The following CMTM8 variants were observed in gnomAD, a reference collection of about 807,000 sequenced individuals.
CMTM8 encodes the protein CKLF-like MARVEL transmembrane domain-containing protein 8.
A neutral mutation model predicts 18.6 loss-of-function variants in CMTM8; 12 were observed. The observed-to-expected ratio is 0.65, with a 90% CI of 0.41 to 1.05. The LOEUF (loss-of-function observed/expected upper bound fraction) is 1.05. Ranked by LOEUF, CMTM8 falls within the 50% of genes least tolerant of loss-of-function variation. CMTM8 has a pLI of 0.00. For missense variants in CMTM8, 217 were observed against 227.2 expected, an observed-to-expected ratio of 0.95 and a Z score of 0.29; for synonymous variants, 87 against 90.6, an observed-to-expected ratio of 0.96 and a Z score of 0.23.
At position 32,357,477 on chromosome 3, in the gene CMTM8, C is replaced by T. The variant is rs371382128; in HGVS notation, c.252C>T (p.Thr84=). ...MFVAVFYWVL[T]VFFLIIYITM... is the part of the protein sequence containing the mutation. The stretch of plus-strand genomic sequence containing the variant: ...TAGCTGTATTTTACTGGGTCCTCAC[C>T]GTCTTCTTCCTCATTATCTACATAA... Residue 84 remains threonine, a synonymous_variant, in exon 2 of 4, where the codon ACC becomes ACT. Coordinates refer to ENST00000307526, the MANE Select transcript of CMTM8 (RefSeq NM_178868.5). The T allele has an allele frequency of 3.7e-5, 59 of 1,613,890 alleles. No homozygotes were observed. The African/African-American group carries it at 4.1e-4, about 11-fold the overall frequency.
intron 1 of CMTM8, among the ~76,000 whole-genome samples, chr3:32,287,056 T>C (rs1458946542): frequency 5.3e-5 from 8 of 152,242 alleles, no homozygotes; most frequent in Admixed American, 5.2e-4. Context: ...GCAGCCTATT[T>C]GTGGCTGCTT....
chr3:32,256,431 C>G (rs1026331565), intron 1 of CMTM8, among the ~76,000 whole-genome samples: 10 of 152,142 alleles, frequency 6.6e-5, no homozygotes, highest in African/African-American at 2.4e-4. Flanking sequence ...GCCTGTTAGG[C>G]TCAGTACCTC....
intron 1 of CMTM8, among the ~76,000 whole-genome samples, chr3:32,271,540 C>T (rs1702438878): frequency 6.6e-6 from 1 of 152,218 alleles, no homozygotes; most frequent in Non-Finnish European, 1.5e-5. Flanking sequence ...CTCCATTCAT[C>T]ATTGAGTGTT....
Position 32,357,524 on chromosome 3 carries a change from C to A in CMTM8, c.299C>A (p.Pro100His), listed in dbSNP as rs1559389009. ...IYITMTYTRIPQVPWTTVGLC... is the reference protein window; with the variant it reads ...IYITMTYTRIHQVPWTTVGLC... ...ATAACAATGACCTACACCAGGATTC[C>A]CCAGGTGCCCTGGACAACAGTGGTA... Residue 100 changes from proline to histidine, a missense_variant, in exon 2 of 4, where the codon CCC (proline) becomes CAC (histidine). Physicochemically the swap from Pro to His is moderately conservative, Grantham distance 77. Transcript: ENST00000307526. 1 of 1,614,098 alleles carries A rather than the reference C, an allele frequency of 6.2e-7. No homozygotes were observed. The highest frequency in any genetic ancestry group is 8.5e-7 in the Non-Finnish European group (1 of 1,179,992).
Position 32,266,401 on chromosome 3 carries a change from A to G in CMTM8, c.147+27282A>G, listed in dbSNP as rs1406220915. The stretch of plus-strand genomic sequence containing the variant: ...CAGAAAAGGCCTTTGACAAAATTCA[A>G]CAGCCCTTCATGCTAAAAACTCTCA... On this transcript the variant is annotated intron_variant, in intron 1 of 3. Transcript: ENST00000307526. Among the ~76,000 whole-genome samples, 4 of 152,206 alleles carry G rather than the reference A, an allele frequency of 2.6e-5. No individual in the cohort carries two copies. The East Asian group carries it at 5.8e-4, about 22-fold the overall frequency.
intron 1 of CMTM8, among the ~76,000 whole-genome samples, chr3:32,292,065 T>C (rs1480133624): frequency 6.6e-6 from 1 of 152,232 alleles, no homozygotes; most frequent in Non-Finnish European, 1.5e-5. Flanking sequence ...CGGATCAACC[T>C]TGTGGTTTGA....
chr3:32,276,163 G>A (rs4571267), intron 1 of CMTM8, among the ~76,000 whole-genome samples: 147,567 of 152,138 alleles, frequency 0.97, 71,735 homozygotes, highest in East Asian at 1. Context: ...CTTCTGTTTT[G>A]TCTCCCTTCC....
chr3:32,354,951 T>G (rs1012766225), intron 1 of CMTM8, among the ~76,000 whole-genome samples: 3 of 152,232 alleles, frequency 2.0e-5, no homozygotes, highest in African/African-American at 7.2e-5. Flanking sequence ...TTGCCACGGA[T>G]GTAAACACAA....
At chr3:32,316,166 T>A (rs1200375236) in intron 1 of CMTM8, among the ~76,000 whole-genome samples, 3 of 151,982 alleles carry the variant, frequency 2.0e-5, no homozygotes, top group Admixed American at 2.0e-4. Flanking sequence ...TAGCTGGGAC[T>A]ACAGGCGCCC....
intron 1 of CMTM8, among the ~76,000 whole-genome samples, chr3:32,286,408 G>C (rs1396907475): frequency 6.6e-6 from 1 of 152,158 alleles, no homozygotes; most frequent in Non-Finnish European, 1.5e-5. Context: ...CTTTTGGCAA[G>C]CTCCTTCTCC....
intron 1 of CMTM8, among the ~76,000 whole-genome samples, chr3:32,353,003 A>G (rs958819374): frequency 1.3e-5 from 2 of 152,054 alleles, no homozygotes; most frequent in Admixed American, 6.6e-5. Context: ...TGTTTTTGAG[A>G]CAGAGTCTCG....
intron 1 of CMTM8, among the ~76,000 whole-genome samples, chr3:32,328,549 G>GAA (rs1274680775): frequency 6.8e-4 from 50 of 73,180 alleles, no homozygotes; most frequent in African/African-American, 2.4e-3. Flanking sequence ...GACCAAAAAA[G>GAA]AAAAAAAAAA....
chr3:32,358,481 G>GA lies in CMTM8; in HGVS notation c.321+941dup, dbSNP rs1264138591. ...TTGTCTGTTTTCAACCAATATGTGAGAAAAAATATTTAGTTCCAAATAACT... is the reference window on the plus strand; with the variant it reads ...TTGTCTGTTTTCAACCAATATGTGAGAAAAAAATATTTAGTTCCAAATAACT... On this transcript the variant is annotated intron_variant, in intron 2 of 3. Transcript: ENST00000307526. The surrounding 1 kb of genome is among the most constrained non-coding windows in gnomAD (Gnocchi z 4.1). Among the ~76,000 whole-genome samples the GA allele has an allele frequency of 6.6e-6, 1 of 152,264 alleles. No homozygotes were observed. Among genetic ancestry groups the GA allele is most frequent in the East Asian group, 1.9e-4 (1 of 5,192 alleles).
chr3:32,335,560 T>C (rs1696370025), intron 1 of CMTM8, among the ~76,000 whole-genome samples: 1 of 152,186 alleles, frequency 6.6e-6, no homozygotes, highest in Non-Finnish European at 1.5e-5. Context: ...TCTGCAGCCA[T>C]GAGTTTACTG....
intron 1 of CMTM8, among the ~76,000 whole-genome samples, chr3:32,265,633 A>G (rs1702327668): frequency 6.6e-6 from 1 of 152,100 alleles, no homozygotes; most frequent in Admixed American, 6.5e-5. Flanking sequence ...TAGAGACACA[A>G]AAAACCCTTC....
chr3:32,361,758 A>G (rs896850043), intron 2 of CMTM8, among the ~76,000 whole-genome samples: 1 of 152,216 alleles, frequency 6.6e-6, no homozygotes, highest in Non-Finnish European at 1.5e-5. Flanking sequence ...CAGAAACCAC[A>G]GCTGGTTCCT....
intron 1 of CMTM8, among the ~76,000 whole-genome samples, chr3:32,287,668 A>AT (rs1449270919): frequency 1.3e-5 from 2 of 152,216 alleles, no homozygotes; most frequent in Non-Finnish European, 2.9e-5. Flanking sequence ...TCTGTGGTCG[A>AT]TTAGATTGTG....
At chr3:32,269,143 G>C (rs4955271) in intron 1 of CMTM8, among the ~76,000 whole-genome samples, 130,872 of 152,144 alleles carry the variant, frequency 0.86, 56,702 homozygotes, top group Non-Finnish European at 0.91. Context: ...AGTTATGTTG[G>C]CTGACACTGT....
At chr3:32,349,561 G>A (rs555584611) in intron 1 of CMTM8, among the ~76,000 whole-genome samples, 3 of 152,236 alleles carry the variant, frequency 2.0e-5, no homozygotes, top group Middle Eastern at 3.4e-3. Flanking sequence ...TTGCCTCCCA[G>A]AGAACAATTG....
Sources: gnomAD v4.1 joint callset for allele counts (sites outside exome capture counted in the v4.1 genomes callset) on GRCh38, gnomAD v4.1.1 for gene constraint, Gnocchi (gnomAD v3.1) non-coding constraint, MANE v1.5 for transcripts, NCBI Gene and HGNC (gene_info 2026-07-23, HGNC 2026-07-21) for gene names.